The following MEF2C variants were observed in gnomAD, a reference collection of about 807,000 sequenced individuals.
MEF2C encodes myocyte-specific enhancer factor 2C.
In MEF2C, 6 loss-of-function variants were observed where a neutral mutation model predicts 50.5. The ratio of observed to expected loss-of-function variants is 0.12; its 90% CI spans 0.07 to 0.23. MEF2C has a LOEUF of 0.23. Ranked by LOEUF, MEF2C falls within the 10% of genes least tolerant of loss-of-function variation. The pLI is 1.00. For missense variants in MEF2C, 276 were observed against 605.0 expected (o/e 0.46, Z 5.70); for synonymous variants, 183 against 228.0 (o/e 0.80, Z 1.78).
At chr5:88,735,817 ATTTTGCC>A in intron 6 of MEF2C, 3 of 985,420 alleles carry the variant, frequency 3.0e-6, no homozygotes, top group Non-Finnish European at 3.6e-6. Context: ...TGAGGAAGGC[ATTTTGCC>A]TTGTCTCACA....
At position 88,823,928 on chromosome 5, in the gene MEF2C, C is replaced by A; in HGVS notation, c.-140G>T. 6.9e-7 allele frequency: 1 copy of A among 1,445,300 alleles called. No individual in the cohort carries two copies. The highest frequency in any genetic ancestry group is 9.1e-7 in the Non-Finnish European group (1 of 1,097,248). 89.5% of individuals were successfully genotyped at this position (1,445,300 alleles called of 1,614,324 possible). On this transcript the variant is annotated splice_region_variant and 5_prime_UTR_variant, in exon 2 of 11. In the 5' UTR this introduces an upstream ATG that the reference lacks. Coordinates refer to ENST00000504921, the MANE Select transcript of MEF2C (RefSeq NM_002397.5). ...AGTTCCCAAATTCCTGCATTCGTTC[C>A]TGCTGAACAAAAAAGAAAAATTAAA...
intron 1 of MEF2C, among the ~76,000 whole-genome samples, chr5:88,829,739 T>G (rs1050615534): frequency 6.6e-6 from 1 of 151,966 alleles, no homozygotes; most frequent in African/African-American, 2.4e-5. Context: ...GATTTTGGGG[T>G]CAGAAAAAAC....
intron 1 of MEF2C, among the ~76,000 whole-genome samples, chr5:88,849,969 G>T (rs1820695185): frequency 1.3e-5 from 2 of 152,000 alleles, no homozygotes; most frequent in Non-Finnish European, 2.9e-5. Flanking sequence ...AAGTTTTAGG[G>T]TACATGTGCA....
chr5:88,766,768 T>C, intron 3 of MEF2C: 2 of 985,430 alleles, frequency 2.0e-6, no homozygotes, highest in Non-Finnish European at 2.4e-6. Flanking sequence ...AGAGGGTTGA[T>C]GTGTCAAGAA....
chr5:88,749,618 G>A lies in MEF2C; in HGVS notation c.590-501C>T, dbSNP rs1350173391. On this transcript the variant is annotated intron_variant, in intron 5 of 10. Transcript: ENST00000504921. ...GACACAATATAACAAATTTTTCACC[G>A]GCCACAGATTAAGAAACATATGCTT... The A allele has an allele frequency of 2.0e-5, 9 of 450,854 alleles. No homozygotes were observed. The South Asian group carries it at 3.8e-4, about 19-fold the overall frequency. 27.9% of individuals were successfully genotyped at this position (450,854 alleles called of 1,614,324 possible).
At chr5:88,741,653 T>C in intron 6 of MEF2C, 1 of 975,238 alleles carries the variant, frequency 1.0e-6, no homozygotes, top group African/African-American at 1.7e-5. Flanking sequence ...CTCTTACTAC[T>C]ATATTATAAT....
At chr5:88,861,731 G>C (rs1561382843) in intron 1 of MEF2C, among the ~76,000 whole-genome samples, 1 of 152,058 alleles carries the variant, frequency 6.6e-6, no homozygotes, top group African/African-American at 2.4e-5. Context: ...TCTTTGGAGG[G>C]TTTTCAGTTG....
At chr5:88,736,719 A>C (rs921881470) in intron 6 of MEF2C, 132 of 985,208 alleles carry the variant, frequency 1.3e-4, no homozygotes, top group Non-Finnish European at 1.4e-4. Flanking sequence ...TTCCTTTTTC[A>C]TACATGAGTG....
chr5:88,782,210 T>C, intron 3 of MEF2C: 1 of 963,098 alleles, frequency 1.0e-6, no homozygotes, highest in Non-Finnish European at 1.2e-6. Context: ...GGCTCACTCC[T>C]GTAATCCAAG....
At chr5:88,738,836 C>T (rs1765219307) in intron 6 of MEF2C, 1 of 985,050 alleles carries the variant, frequency 1.0e-6, no homozygotes, top group Admixed American at 6.2e-5. Flanking sequence ...TAAAGAGGCA[C>T]AGAATGGTGA....
intron 1 of MEF2C, chr5:88,825,535 C>T: frequency 1.0e-6 from 1 of 982,712 alleles, no homozygotes; most frequent in Non-Finnish European, 1.2e-6. Context: ...ATAGAAATAA[C>T]ACACATTTGA....
At chr5:88,793,975 C>T (rs1204670099) in intron 3 of MEF2C, among the ~76,000 whole-genome samples, 1 of 152,198 alleles carries the variant, frequency 6.6e-6, no homozygotes, top group Non-Finnish European at 1.5e-5. Flanking sequence ...GACATGAACT[C>T]ATCCTTTTTT....
intron 1 of MEF2C, among the ~76,000 whole-genome samples, chr5:88,851,489 A>G (rs1821340358): frequency 6.6e-6 from 1 of 152,142 alleles, no homozygotes; most frequent in South Asian, 2.1e-4. Context: ...GAATAATGCC[A>G]TGACTTCACT....
intron 10 of MEF2C, among the ~76,000 whole-genome samples, chr5:88,725,728 A>G (rs894789016): frequency 3.3e-5 from 5 of 152,100 alleles, no homozygotes; most frequent in African/African-American, 1.2e-4. Context: ...TTTATTCAAA[A>G]TTTTTACTGC....
rs527796498 is a variant in MEF2C, at chr5:88,750,028, T to C, written c.590-911A>G. 5 of 334,186 alleles carry C rather than the reference T, an allele frequency of 1.5e-5. No homozygotes were observed. The South Asian group carries it at 6.1e-4, about 41-fold the overall frequency. 20.7% of individuals were successfully genotyped at this position (334,186 alleles called of 1,614,324 possible). A position where few individuals can be genotyped will look rare whatever the true frequency, so the allele number is the denominator to read the frequency against. On this transcript the variant is annotated intron_variant, in intron 5 of 10. Transcript: ENST00000504921. ...CTGGGCAACACAGCGAGACTCCGTC[T>C]CAAAAAAAAAAAAATTACTTTTAGT... is the stretch of plus-strand genomic sequence containing the variant.
chr5:88,805,484 C>CA (rs1799993435), intron 2 of MEF2C, among the ~76,000 whole-genome samples: 1 of 152,146 alleles, frequency 6.6e-6, no homozygotes. Flanking sequence ...TTCCTTTCCT[C>CA]AAAATATTTC....
At chr5:88,901,430 G>GAT (rs1296696415) in intron 1 of MEF2C, among the ~76,000 whole-genome samples, 3 of 144,728 alleles carry the variant, frequency 2.1e-5, no homozygotes, top group African/African-American at 7.7e-5. Context: ...TAAATAGGCT[G>GAT]ATATTTAAAA....
At chr5:88,808,139 T>C (rs1213680863) in intron 2 of MEF2C, among the ~76,000 whole-genome samples, 1 of 152,200 alleles carries the variant, frequency 6.6e-6, no homozygotes, top group Non-Finnish European at 1.5e-5. Context: ...AACATAATCA[T>C]TAATTACACA....
intron 6 of MEF2C, chr5:88,746,453 T>G (rs1561790502): frequency 5.8e-6 from 5 of 864,426 alleles, no homozygotes; most frequent in Non-Finnish European, 6.8e-6. Context: ...TTTTTTTTTT[T>G]TTTAACAAAG....
Sources: gnomAD v4.1 joint callset for allele counts (sites outside exome capture counted in the v4.1 genomes callset) on GRCh38, gnomAD v4.1.1 for gene constraint, MANE v1.5 for transcripts, NCBI Gene and HGNC (gene_info 2026-07-23, HGNC 2026-07-21) for gene names.